Variants in VIT observed in about 807,000 individuals in gnomAD.
VIT encodes vitrin.
In VIT, 99 loss-of-function variants were observed where a neutral mutation model predicts 78.0. The ratio of observed to expected loss-of-function variants is 1.27; its 90% CI spans 1.08 to 1.50. VIT has a LOEUF of 1.50. Ranked by LOEUF, VIT falls within the 40% of genes most tolerant of loss-of-function variation. The pLI is 0.00. For synonymous variants in VIT, 374 were observed against 334.3 expected (o/e 1.12, Z -1.29); for missense variants, 1,126 against 875.3 (o/e 1.29, Z -3.61).
At chr2:36,717,867 T>C (rs1666263195) in intron 2 of VIT, among the ~76,000 whole-genome samples, 1 of 152,148 alleles carries the variant, frequency 6.6e-6, no homozygotes, top group South Asian at 2.1e-4. Flanking sequence ...AGACTAGAAG[T>C]CCAAAATCAG....
Position 36,743,200 on chromosome 2 carries a change from T to A in VIT, c.219T>A (p.Val73=), listed in dbSNP as rs1422199935. Residue 73 remains valine, a synonymous_variant, in exon 4 of 16, where the codon GTT becomes GTA. Transcript: ENST00000379242. ...GATGCCAAGACCCCAAATACCATGT[T>A]TATGGCACTGACGTGTATGCATCCT... ...PAGCQDPKYH[V]YGTDVYASYS... The A allele has an allele frequency of 6.2e-7, 1 of 1,614,084 alleles. No individual in the cohort carries two copies. The highest frequency in any genetic ancestry group is 2.2e-5 in the East Asian group (1 of 44,886).
chr2:36,770,401 AG>A (rs1669676362), intron 7 of VIT, among the ~76,000 whole-genome samples: 1 of 152,218 alleles, frequency 6.6e-6, no homozygotes, highest in Non-Finnish European at 1.5e-5. Context: ...GAAAGTACAT[AG>A]CAGGAAGACA....
Position 36,808,554 on chromosome 2 carries a change from A to G in VIT, c.1472A>G (p.Lys491Arg), listed in dbSNP as rs1188464864. The change falls in exon 15 of 16, where the codon AAG becomes AGG. Residue 491 changes from lysine to arginine, a missense_variant. By Grantham distance (26) the Lys-to-Arg change is conservative. Transcript: ENST00000379242. ...CACAAGACCCTGCAGCCTCTGGTGA[A>G]GCGGGTCTGCGACACTGACCGCCTG... The part of the protein sequence containing the change: ...GLHKTLQPLV[K>R]RVCDTDRLAC... The G allele has an allele frequency of 1.9e-6, 3 of 1,614,088 alleles. No individual in the cohort carries two copies. The highest frequency in any genetic ancestry group is 2.5e-6 in the Non-Finnish European group (3 of 1,180,038).
chr2:36,759,046 G>C lies in VIT; in HGVS notation c.487G>C (p.Gly163Arg), dbSNP rs1279180189. The stretch of plus-strand genomic sequence containing the variant: ...ATCGAAAAGTCCAGCTGCCCAAGCA[G>C]GCAAGTGCTCACGTGTGATTGAATC... ...SSSKSPAAQA[G>R]ETTKAYQRPP... The change falls in exon 6 of 16, where the codon GGT (glycine) becomes CGT (arginine). Residue 163 changes from glycine (G) to arginine (R), a missense_variant and splice_region_variant. Physicochemically the swap from Gly to Arg is moderately radical, Grantham distance 125 (BLOSUM62 -2). Transcript: ENST00000379242. 2 of 1,613,980 alleles carry C rather than the reference G, an allele frequency of 1.2e-6. No individual in the cohort carries two copies. The highest frequency in any genetic ancestry group is 2.7e-5 in the African/African-American group (2 of 74,880).
chr2:36,707,712 A>G (rs1374613015), intron 1 of VIT, among the ~76,000 whole-genome samples: 1 of 152,156 alleles, frequency 6.6e-6, no homozygotes, highest in Non-Finnish European at 1.5e-5. Context: ...TAGGCCACCA[A>G]CAGTGTCCAT....
At chr2:36,783,293 T>C (rs954065099) in intron 10 of VIT, 47 bp from the exon 11 acceptor site, 1 of 1,605,508 alleles carries the variant, frequency 6.2e-7, no homozygotes, top group African/African-American at 1.3e-5. Flanking sequence ...TAAGGCCAGC[T>C]GCTTCCTTTC....
chr2:36,770,359 ATGGGAACT>A (rs1222371224), intron 7 of VIT, among the ~76,000 whole-genome samples: 1 of 152,202 alleles, frequency 6.6e-6, no homozygotes, highest in Non-Finnish European at 1.5e-5. Context: ...GATACAACAC[ATGGGAACT>A]TGGAGAGGGC....
chr2:36,789,187 C>A (rs11691704), intron 12 of VIT, among the ~76,000 whole-genome samples: 24,149 of 152,154 alleles, frequency 0.16, 3,496 homozygotes, highest in African/African-American at 0.39. Flanking sequence ...AAGCGCAATG[C>A]ACCGCTGACA....
At chr2:36,712,032 C>T (rs1665834031) in intron 1 of VIT, among the ~76,000 whole-genome samples, 2 of 152,196 alleles carry the variant, frequency 1.3e-5, no homozygotes, top group Admixed American at 6.5e-5. Context: ...GGAATTAGGG[C>T]TCCAGCGTTG....
At chr2:36,756,149 G>C (rs1026534688) in intron 5 of VIT, among the ~76,000 whole-genome samples, 1 of 151,820 alleles carries the variant, frequency 6.6e-6, no homozygotes, top group Non-Finnish European at 1.5e-5. Flanking sequence ...GTGCAGACGG[G>C]GTTTCTCCGT....
intron 4 of VIT, among the ~76,000 whole-genome samples, chr2:36,745,638 G>T (rs1158535680): frequency 1.3e-5 from 2 of 152,048 alleles, no homozygotes; most frequent in African/African-American, 4.8e-5. Context: ...AAATGCTACT[G>T]ATTTTTATAT....
At chr2:36,786,711 A>G (rs1665119847) in intron 11 of VIT, among the ~76,000 whole-genome samples, 2 of 152,340 alleles carry the variant, frequency 1.3e-5, no homozygotes, top group East Asian at 3.9e-4. Flanking sequence ...CACCTTATAA[A>G]AATCCAACAC....
At chr2:36,730,584 C>A (rs2148487088) in intron 3 of VIT, among the ~76,000 whole-genome samples, 2 of 152,338 alleles carry the variant, frequency 1.3e-5, no homozygotes, top group East Asian at 3.9e-4. Flanking sequence ...GCCAGGGAAC[C>A]CCAGCCGGTG....
At chr2:36,721,436 C>T (rs1049530124) in intron 2 of VIT, among the ~76,000 whole-genome samples, 1 of 152,086 alleles carries the variant, frequency 6.6e-6, no homozygotes, top group African/African-American at 2.4e-5. Context: ...GCTTAAGTCC[C>T]CCTACCCCTC....
At chr2:36,752,247 A>G (rs1197491052) in intron 4 of VIT, among the ~76,000 whole-genome samples, 2 of 152,292 alleles carry the variant, frequency 1.3e-5, no homozygotes, top group East Asian at 3.9e-4. Context: ...AGTGCAGGGG[A>G]GAGGAGAGAT....
At chr2:36,777,720 A>G (rs1293450793) in intron 9 of VIT, among the ~76,000 whole-genome samples, 1 of 152,182 alleles carries the variant, frequency 6.6e-6, no homozygotes, top group Non-Finnish European at 1.5e-5. Flanking sequence ...GGAAAATCAC[A>G]TATCTCTATT....
intron 4 of VIT, among the ~76,000 whole-genome samples, chr2:36,747,408 C>T (rs954292427): frequency 6.6e-6 from 1 of 152,170 alleles, no homozygotes; most frequent in East Asian, 1.9e-4. Context: ...AAGTCCCCTA[C>T]TATTATCACA....
chr2:36,771,539 A>AG (rs1491101580), intron 7 of VIT, among the ~76,000 whole-genome samples: 8 of 147,954 alleles, frequency 5.4e-5, no homozygotes, highest in African/African-American at 1.8e-4. Context: ...AAAAAAAAAG[A>AG]AAAAGAAAAA....
intron 9 of VIT, among the ~76,000 whole-genome samples, chr2:36,781,378 C>G (rs1318846316): frequency 6.6e-6 from 1 of 152,206 alleles, no homozygotes; most frequent in Non-Finnish European, 1.5e-5. Flanking sequence ...GTATCAAGCA[C>G]TAGCCAGCCA....
Sources: allele counts gnomAD v4.1 joint callset (sites outside exome capture counted in the v4.1 genomes callset), GRCh38; gene constraint gnomAD v4.1.1; transcripts MANE v1.5; gene names NCBI Gene and HGNC (gene_info 2026-07-23, HGNC 2026-07-21).